The following CDH8 variants were observed in gnomAD, a reference collection of about 807,000 sequenced individuals.
CDH8 encodes cadherin-8.
A neutral mutation model predicts 68.1 loss-of-function variants in CDH8; 17 were observed. That is an observed-to-expected ratio of 0.25 (90% CI 0.17 to 0.37). The LOEUF is 0.37. Among genes scored for constraint, CDH8 ranks in the 10% least tolerant of loss-of-function variants. The pLI is 1.00. For missense variants in CDH8, 763 were observed against 999.3 expected, an observed-to-expected ratio of 0.76 and a Z score of 3.19; for synonymous variants, 372 against 365.1, an observed-to-expected ratio of 1.02 and a Z score of -0.21.
At chr16:61,967,043 GAA>G (rs919343304) in intron 2 of CDH8, among the ~76,000 whole-genome samples, 1 of 151,026 alleles carries the variant, frequency 6.6e-6, no homozygotes, top group South Asian at 2.1e-4. Context: ...CTCTCTAGAA[GAA>G]AAAAAAATAG....
intron 8 of CDH8, among the ~76,000 whole-genome samples, chr16:61,755,359 T>A (rs185711709): frequency 1.3e-5 from 2 of 152,184 alleles, no homozygotes; most frequent in African/African-American, 4.8e-5. Flanking sequence ...GTATATATAG[T>A]ATACATTTAA....
chr16:61,822,811 C>A (rs1249248726), intron 5 of CDH8, among the ~76,000 whole-genome samples: 2 of 151,808 alleles, frequency 1.3e-5, no homozygotes, highest in African/African-American at 2.4e-5. Context: ...CAGCAAGGGG[C>A]CGCGCCGTGC....
At chr16:61,816,010 A>G (rs1962064495) in intron 7 of CDH8, among the ~76,000 whole-genome samples, 1 of 151,982 alleles carries the variant, frequency 6.6e-6, no homozygotes, top group South Asian at 2.1e-4. Flanking sequence ...CCATTAATAG[A>G]TATAATTTTC....
chr16:61,970,720 C>T (rs986159908), intron 2 of CDH8, among the ~76,000 whole-genome samples: 2 of 152,186 alleles, frequency 1.3e-5, no homozygotes, highest in South Asian at 2.1e-4. Flanking sequence ...TTAGTTCTGA[C>T]ACCGTCTCCC....
At chr16:62,013,844 T>G (rs2150606306) in intron 2 of CDH8, among the ~76,000 whole-genome samples, 1 of 152,302 alleles carries the variant, frequency 6.6e-6, no homozygotes, top group East Asian at 1.9e-4. Context: ...AAAACAGAAT[T>G]ATATAATCTG....
chr16:61,664,711 A>T (rs1316589987), intron 10 of CDH8, among the ~76,000 whole-genome samples: 1 of 113,446 alleles, frequency 8.8e-6, no homozygotes, highest in African/African-American at 3.8e-5. Flanking sequence ...TTTAGAGAGG[A>T]AAAAAAATCC....
At chr16:61,823,053 C>CA (rs1359495832) in intron 5 of CDH8, among the ~76,000 whole-genome samples, 1 of 151,448 alleles carries the variant, frequency 6.6e-6, no homozygotes, top group Non-Finnish European at 1.5e-5. Context: ...ACTGCAAAGG[C>CA]AAAAAAAGTG....
At chr16:61,811,700 A>G (rs992888270) in intron 7 of CDH8, among the ~76,000 whole-genome samples, 1 of 152,230 alleles carries the variant, frequency 6.6e-6, no homozygotes, top group Non-Finnish European at 1.5e-5. Flanking sequence ...TTGAAACACT[A>G]TTCAATGTGT....
At chr16:61,890,515 T>C (rs763974866) in intron 3 of CDH8, among the ~76,000 whole-genome samples, 3 of 152,126 alleles carry the variant, frequency 2.0e-5, no homozygotes, top group African/African-American at 4.8e-5. Flanking sequence ...CTAAGAGATA[T>C]AGGTTTCTAA....
intron 10 of CDH8, among the ~76,000 whole-genome samples, chr16:61,680,812 C>G (rs1188169720): frequency 6.6e-6 from 1 of 151,750 alleles, no homozygotes; most frequent in Non-Finnish European, 1.5e-5. Flanking sequence ...GATTCTGCAC[C>G]TAATATAGCA....
intron 4 of CDH8, among the ~76,000 whole-genome samples, chr16:61,832,669 A>T (rs1159440473): frequency 6.6e-6 from 1 of 151,688 alleles, no homozygotes; most frequent in African/African-American, 2.4e-5. Context: ...TCTGTACAAT[A>T]TTTTTTAAAA....
At chr16:61,733,584 A>C (rs950003035) in intron 8 of CDH8, among the ~76,000 whole-genome samples, 4 of 152,068 alleles carry the variant, frequency 2.6e-5, no homozygotes, top group Admixed American at 6.6e-5. Flanking sequence ...TCACATTCAT[A>C]TATCTAAAGT....
chr16:61,901,203 T>C lies in CDH8; in HGVS notation c.523A>G (p.Thr175Ala), dbSNP rs1319505410. The change falls in exon 3 of 12, where the codon ACT becomes GCT. Residue 175 changes from threonine (T) to alanine (A), a missense_variant. By Grantham distance (58) the Thr-to-Ala change is moderately conservative. Coordinates refer to ENST00000577390, the MANE Select transcript of CDH8 (RefSeq NM_001796.5). Reference protein sequence around the residue: ...PEFLNGPYHATVPEMSILGTS... With the variant: ...PEFLNGPYHAAVPEMSILGTS... Reference sequence around the variant, plus strand: ...CCCAAAATGGACATTTCTGGCACAGTAGCATGATAGGGTCCATTAAGAAAC... The same window carrying C: ...CCCAAAATGGACATTTCTGGCACAGCAGCATGATAGGGTCCATTAAGAAAC... 1 of 1,613,784 alleles carries C rather than the reference T, an allele frequency of 6.2e-7. No individual in the cohort carries two copies.
intron 10 of CDH8, among the ~76,000 whole-genome samples, chr16:61,683,808 G>C (rs1964055130): frequency 6.6e-6 from 1 of 151,938 alleles, no homozygotes; most frequent in African/African-American, 2.4e-5. Flanking sequence ...TCTATGAAAG[G>C]CATTATTTCA....
chr16:61,679,738 T>C (rs912043270), intron 10 of CDH8, among the ~76,000 whole-genome samples: 7 of 151,988 alleles, frequency 4.6e-5, no homozygotes, highest in African/African-American at 1.4e-4. Context: ...TCACAAATCA[T>C]TGGGCATCTG....
At chr16:61,874,607 C>A (rs978416774) in intron 3 of CDH8, among the ~76,000 whole-genome samples, 1 of 152,084 alleles carries the variant, frequency 6.6e-6, no homozygotes, top group Non-Finnish European at 1.5e-5. Context: ...ATATTTTCAA[C>A]TTACTATAAG....
At chr16:61,737,290 A>C (rs763724368) in intron 8 of CDH8, among the ~76,000 whole-genome samples, 2 of 152,284 alleles carry the variant, frequency 1.3e-5, no homozygotes, top group South Asian at 2.1e-4. Flanking sequence ...CTAGTGGGGC[A>C]CAATAAATAA....
At chr16:61,777,328 A>G (rs1960926811) in intron 8 of CDH8, among the ~76,000 whole-genome samples, 1 of 151,924 alleles carries the variant, frequency 6.6e-6, no homozygotes, top group Non-Finnish European at 1.5e-5. Context: ...GTTAGCAGCA[A>G]CTCGCACCTG....
At chr16:61,707,996 C>A (rs1480924081) in intron 10 of CDH8, among the ~76,000 whole-genome samples, 1 of 151,976 alleles carries the variant, frequency 6.6e-6, no homozygotes, top group South Asian at 2.1e-4. Flanking sequence ...CTAAATAATT[C>A]TTTATATTCT....
Sources: allele counts gnomAD v4.1 joint callset (sites outside exome capture counted in the v4.1 genomes callset), GRCh38; gene constraint gnomAD v4.1.1; transcripts MANE v1.5; gene names NCBI Gene and HGNC (gene_info 2026-07-23, HGNC 2026-07-21).